Variants in CCDC69 observed in about 807,000 individuals in gnomAD.
CCDC69 encodes coiled-coil domain containing 69, also known as coiled-coil domain-containing protein 69.
CCDC69 carries 38 observed loss-of-function variants against 40.3 expected under a neutral mutation model. The observed-to-expected ratio is 0.94, with a 90% CI of 0.73 to 1.24. CCDC69 has a LOEUF of 1.24. Among genes scored for constraint, CCDC69 ranks in the 50% most tolerant of loss-of-function variants. The pLI, the probability that CCDC69 is intolerant of heterozygous loss-of-function variation, is 0.00. For synonymous variants in CCDC69, 141 were observed against 138.9 expected (o/e 1.02, Z -0.11); for missense variants, 389 against 357.9 (o/e 1.09, Z -0.70).
chr5:151,185,766 G>A (rs994891684), intron 6 of CCDC69, among the ~76,000 whole-genome samples: 1 of 152,244 alleles, frequency 6.6e-6, no homozygotes, highest in African/African-American at 2.4e-5. Flanking sequence ...AGTCACTTGT[G>A]CTAAGTGGCA....
intron 2 of CCDC69, among the ~76,000 whole-genome samples, chr5:151,204,666 TA>T (rs949781527): frequency 1.5e-4 from 23 of 152,334 alleles, no homozygotes; most frequent in African/African-American, 4.8e-4. Flanking sequence ...TGGCAACATA[TA>T]TTTTTTTTCT....
At chr5:151,201,116 A>G (rs1167278356) in intron 3 of CCDC69, among the ~76,000 whole-genome samples, 1 of 152,212 alleles carries the variant, frequency 6.6e-6, no homozygotes, top group Admixed American at 6.5e-5. Context: ...TCCAGGGATA[A>G]TCACCCAGAG....
intron 1 of CCDC69, among the ~76,000 whole-genome samples, chr5:151,208,437 T>C (rs1314118089): frequency 2.0e-5 from 3 of 152,254 alleles, no homozygotes; most frequent in Non-Finnish European, 2.9e-5. Flanking sequence ...CCCATGGTGC[T>C]GGGCACAGAG....
At chr5:151,222,154 G>T (rs1380637325) in intron 1 of CCDC69, among the ~76,000 whole-genome samples, 1 of 152,232 alleles carries the variant, frequency 6.6e-6, no homozygotes, top group Non-Finnish European at 1.5e-5. Flanking sequence ...GCTCTGTGTT[G>T]CTCTGTGACC....
chr5:151,215,188 C>A (rs1307078361), intron 1 of CCDC69, among the ~76,000 whole-genome samples: 1 of 152,174 alleles, frequency 6.6e-6, no homozygotes, highest in Non-Finnish European at 1.5e-5. Flanking sequence ...AGTCCAATGG[C>A]AAACTGGAAG....
intron 2 of CCDC69, among the ~76,000 whole-genome samples, chr5:151,203,615 TTTAG>T (rs1384200302): frequency 1.5e-5 from 2 of 131,428 alleles, no homozygotes; most frequent in Non-Finnish European, 3.0e-5. Context: ...AATATATATA[TTTAG>T]TTATATATAT....
In CCDC69 at chr5:151,199,036, G is replaced by A; in HGVS notation, c.280C>T (p.Gln94Ter). Residue 94 changes from glutamine (Q) to a stop codon, truncating the protein, a stop_gained, in exon 4 of 9, where the codon CAA becomes TAA. Coordinates refer to ENST00000355417, the MANE Select transcript of CCDC69 (RefSeq NM_015621.3). LOFTEE classifies it high-confidence loss of function. ...TCATTCTTTCCTTCCAGGACCCTTT[G>A]CTGCTCATCCAGTCTGTCTCGAAGC... is the stretch of plus-strand genomic sequence containing the variant. ...LELRDRLDEQ[Q>*]RVLEGKNEEA... 1 of 1,614,110 alleles carries A rather than the reference G, an allele frequency of 6.2e-7. No homozygotes were observed. The highest frequency in any genetic ancestry group is 1.1e-5 in the South Asian group (1 of 91,080).
intron 1 of CCDC69, chr5:151,215,477 G>T (rs761677300): frequency 5.7e-4 from 118 of 206,982 alleles, no homozygotes; most frequent in Non-Finnish European, 1.1e-3. Flanking sequence ...ATCTTCTGTC[G>T]ATCCTGTCCG....
chr5:151,194,129 C>T (rs1274760708), intron 4 of CCDC69, among the ~76,000 whole-genome samples: 1 of 152,214 alleles, frequency 6.6e-6, no homozygotes, highest in Non-Finnish European at 1.5e-5. Context: ...ATAGTGGTCA[C>T]TCTGGAAGAC....
In CCDC69 at chr5:151,186,559, G is replaced by A. The variant is rs116532144; in HGVS notation, c.394-435C>T. On this transcript the variant is annotated intron_variant, in intron 5 of 8. Transcript: ENST00000355417. ...CCCATACTGCAGGGAACAATGTCCTGCTATAAAAGATGGTTGTTAGCCTGG... is the reference window on the plus strand; with the variant it reads ...CCCATACTGCAGGGAACAATGTCCTACTATAAAAGATGGTTGTTAGCCTGG... Among the ~76,000 whole-genome samples the A allele has an allele frequency of 3.5e-3, 531 of 152,098 alleles. 4 individuals are homozygous for A. Among genetic ancestry groups the A allele is most frequent in the African/African-American group, 0.012 (512 of 41,466 alleles).
In CCDC69 at chr5:151,186,102, G is replaced by A; in HGVS notation, c.416C>T (p.Ser139Leu). Residue 139 changes from serine to leucine, a missense_variant, in exon 6 of 9, where the codon TCA becomes TTA. Ser to Leu is a moderately radical substitution (Grantham distance 145, BLOSUM62 -2). Transcript: ENST00000355417. The stretch of plus-strand genomic sequence containing the variant: ...TTTGGCCTGGAAAGCCTCCAGCTGT[G>A]AGGTCAGTCTGTCTATGGTCTCCTG... Reference protein sequence around the residue: ...TQQETIDRLTSQLEAFQAKMK... With the variant: ...TQQETIDRLTLQLEAFQAKMK... 1 of 1,613,740 alleles carries A rather than the reference G, an allele frequency of 6.2e-7. No individual in the cohort carries two copies. Among genetic ancestry groups the A allele is most frequent in the East Asian group, 2.2e-5 (1 of 44,866 alleles).
intron 1 of CCDC69, among the ~76,000 whole-genome samples, chr5:151,221,660 C>T (rs373953624): frequency 2.6e-4 from 39 of 152,356 alleles, no homozygotes; most frequent in African/African-American, 9.1e-4. Context: ...TCAGTTTCCC[C>T]GGTAAAGTGG....
In CCDC69 at chr5:151,182,775, C is replaced by T. The variant is rs1011929649; in HGVS notation, c.*662G>A. The T allele has an allele frequency of 9.0e-6, 3 of 335,022 alleles. No individual in the cohort carries two copies. Among genetic ancestry groups the T allele is most frequent in the African/African-American group, 6.5e-5 (3 of 46,332 alleles). 20.8% of individuals were successfully genotyped at this position (335,022 alleles called of 1,614,324 possible). On this transcript the variant is annotated 3_prime_UTR_variant, in exon 9 of 9. Coordinates refer to ENST00000355417, the MANE Select transcript of CCDC69 (RefSeq NM_015621.3). ...GTCCCTTGGTGGACACGACTCTGGCCCAGGAATGATGCCTCAGCTGGGGAG... is the reference window on the plus strand; with the variant it reads ...GTCCCTTGGTGGACACGACTCTGGCTCAGGAATGATGCCTCAGCTGGGGAG...
At chr5:151,197,794 G>A (rs1031658451) in intron 4 of CCDC69, among the ~76,000 whole-genome samples, 2 of 152,158 alleles carry the variant, frequency 1.3e-5, no homozygotes, top group Admixed American at 6.5e-5. Context: ...TATCATTGCT[G>A]TTATAGACAA....
In CCDC69 at chr5:151,184,423, A is replaced by G. The variant is rs1582037477; in HGVS notation, c.634T>C (p.Leu212=). 29 of 1,613,460 alleles carry G rather than the reference A, an allele frequency of 1.8e-5. No individual in the cohort carries two copies. Among genetic ancestry groups the G allele is most frequent in the Non-Finnish European group, 2.3e-5 (27 of 1,179,412 alleles). Reference sequence around the variant, plus strand: ...TGCAGGGTCGTAATTTTTTCCTCCAATATCAGATTTTTCTCTTTCTATAAC... The same window carrying G: ...TGCAGGGTCGTAATTTTTTCCTCCAGTATCAGATTTTTCTCTTTCTATAAC... ...METVKEKNLI[L]EEKITTLQQE... The change falls in exon 8 of 9, where the codon TTG becomes CTG. Residue 212 remains leucine (L), a synonymous_variant. Coordinates refer to ENST00000355417, the MANE Select transcript of CCDC69 (RefSeq NM_015621.3).
At chr5:151,184,266 C>T in intron 8 of CCDC69, 78 bp downstream of exon 8, 1 of 1,045,464 alleles carries the variant, frequency 9.6e-7, no homozygotes, top group East Asian at 2.4e-5. Context: ...ATTCCTCAGG[C>T]CCCTCTAAGA....
At chr5:151,220,495 T>G (rs1753118456) in intron 1 of CCDC69, among the ~76,000 whole-genome samples, 1 of 152,214 alleles carries the variant, frequency 6.6e-6, no homozygotes, top group Non-Finnish European at 1.5e-5. Context: ...TGTTGTCTAC[T>G]GGTTGATTTC....
At chr5:151,186,001 C>T (rs768213474) in intron 6 of CCDC69, 22 bp downstream of exon 6, 18 of 1,553,664 alleles carry the variant, frequency 1.2e-5, no homozygotes, top group Admixed American at 3.3e-5. Flanking sequence ...GGAGGAAAAG[C>T]GCCCAGGGTG....
chr5:151,191,958 A>C (rs1042854819), intron 4 of CCDC69, among the ~76,000 whole-genome samples: 8 of 151,506 alleles, frequency 5.3e-5, no homozygotes, highest in Admixed American at 5.3e-4. Context: ...GTGGTGGGGT[A>C]CCTATAGTCT....
Sources: gnomAD v4.1 joint callset for allele counts (sites outside exome capture counted in the v4.1 genomes callset) on GRCh38, gnomAD v4.1.1 for gene constraint, MANE v1.5 for transcripts, NCBI Gene and HGNC (gene_info 2026-07-23, HGNC 2026-07-21) for gene names.